PRKN: variants seen among roughly 807,000 people sequenced by gnomAD.
The protein encoded by PRKN is E3 ubiquitin-protein ligase parkin.
In PRKN, 56 loss-of-function variants were observed where a neutral mutation model predicts 59.5. That is an observed-to-expected ratio of 0.94 (90% confidence interval 0.76 to 1.18). The LOEUF (loss-of-function observed/expected upper bound fraction) is 1.18. PRKN is among the 50% of genes most tolerant of loss of function. PRKN has a pLI of 0.00. For synonymous variants in PRKN, 250 were observed against 222.1 expected, an observed-to-expected ratio of 1.13 and a Z score of -1.12; for missense variants, 657 against 596.4, an observed-to-expected ratio of 1.10 and a Z score of -1.06.
chr6:161,902,761 T>C (rs773802664), intron 6 of PRKN, among the ~76,000 whole-genome samples: 3 of 152,118 alleles, frequency 2.0e-5, no homozygotes, highest in Admixed American at 6.5e-5. Context: ...TTCGCCATGT[T>C]GGCCAGGCTG....
At chr6:162,387,082 C>T (rs1358440681) in intron 2 of PRKN, among the ~76,000 whole-genome samples, 3 of 151,598 alleles carry the variant, frequency 2.0e-5, no homozygotes, top group Non-Finnish European at 4.4e-5. Flanking sequence ...TTAAGTTACA[C>T]AAAAGTATTA....
chr6:162,695,896 CA>C (rs2128235916), intron 1 of PRKN, among the ~76,000 whole-genome samples: 1 of 152,164 alleles, frequency 6.6e-6, no homozygotes, highest in East Asian at 1.9e-4. Context: ...AGCTAGAGTC[CA>C]AATATTGGCT....
chr6:162,112,875 G>T (rs957827643), intron 4 of PRKN, among the ~76,000 whole-genome samples: 2 of 151,992 alleles, frequency 1.3e-5, no homozygotes, highest in African/African-American at 4.8e-5. Context: ...GTGAGCCATG[G>T]TCGCGCCACT....
chr6:162,213,956 T>C (rs1021169811), intron 3 of PRKN, among the ~76,000 whole-genome samples: 3 of 151,936 alleles, frequency 2.0e-5, no homozygotes, highest in African/African-American at 4.8e-5. Flanking sequence ...TCCTGTGTTC[T>C]ATCCAGATGC....
rs532509942 is a variant in PRKN, at chr6:161,936,354, C to T, written c.734+36948G>A. The stretch of plus-strand genomic sequence containing the variant: ...CTCCCAAGCAGCTGGGGACTACAGG[C>T]GCATGCCACAACACCTGGCTACTTT... On this transcript the variant is annotated intron_variant, in intron 6 of 11. Transcript: ENST00000366898. 3.6e-3 allele frequency among the ~76,000 whole-genome samples: 544 copies of T among 151,912 alleles called. 6 individuals are homozygous for T. The highest frequency in any genetic ancestry group is 0.012 in the African/African-American group (505 of 41,440).
intron 2 of PRKN, among the ~76,000 whole-genome samples, chr6:162,440,629 C>A (rs770842498): frequency 1.3e-5 from 2 of 151,992 alleles, no homozygotes; most frequent in African/African-American, 4.8e-5. Context: ...ATAAAGAATA[C>A]GAAACCAGGA....
intron 9 of PRKN, among the ~76,000 whole-genome samples, chr6:161,521,959 G>A (rs1264930204): frequency 6.6e-6 from 1 of 152,154 alleles, no homozygotes; most frequent in Non-Finnish European, 1.5e-5. Context: ...CATCAGAACA[G>A]AGATGCAAAC....
chr6:161,464,982 G>T (rs926717133), intron 9 of PRKN, among the ~76,000 whole-genome samples: 37 of 152,232 alleles, frequency 2.4e-4, no homozygotes, highest in African/African-American at 8.4e-4. Context: ...TGCTTCTGCA[G>T]AGCTCAGGTC....
At chr6:161,781,286 G>A (rs1428671486) in intron 7 of PRKN, among the ~76,000 whole-genome samples, 3 of 152,154 alleles carry the variant, frequency 2.0e-5, no homozygotes, top group Non-Finnish European at 4.4e-5. Flanking sequence ...AAATTTCTAT[G>A]AGTATTATAT....
intron 1 of PRKN, among the ~76,000 whole-genome samples, chr6:162,536,798 C>A (rs1393281982): frequency 6.6e-6 from 1 of 151,994 alleles, no homozygotes; most frequent in Admixed American, 6.6e-5. Flanking sequence ...TTTTTTGAAG[C>A]CTATGTTCAA....
rs1788205209 is a variant in PRKN, at chr6:161,423,672, C to T, written c.1084-36795G>A. The stretch of plus-strand genomic sequence containing the variant: ...TGGAAGCTTCCTCTGCACACTCTAG[C>T]TACAGCAGGGCCTTACCATGGCTCA... On this transcript the variant is annotated intron_variant, in intron 9 of 11. Coordinates refer to ENST00000366898, the MANE Select transcript of PRKN (RefSeq NM_004562.3). This position sits in a 1 kb window ranked among gnomAD's most constrained non-coding sequence, Gnocchi z 5.9. Among the ~76,000 whole-genome samples the T allele has an allele frequency of 6.6e-6, 1 of 152,160 alleles. No individual in the cohort carries two copies. The highest frequency in any genetic ancestry group is 2.4e-5 in the African/African-American group (1 of 41,424).
At chr6:162,602,382 T>C (rs973514786) in intron 1 of PRKN, among the ~76,000 whole-genome samples, 8 of 152,118 alleles carry the variant, frequency 5.3e-5, no homozygotes, top group South Asian at 4.2e-4. Flanking sequence ...GAGAGCAGCA[T>C]TGAAGGTGAG....
intron 6 of PRKN, among the ~76,000 whole-genome samples, chr6:161,870,176 A>G (rs547623703): frequency 1.3e-5 from 2 of 152,324 alleles, no homozygotes; most frequent in South Asian, 4.1e-4. Flanking sequence ...GGTCATAGAC[A>G]GAGAAGTACG....
chr6:162,101,532 C>A (rs933466356), intron 4 of PRKN, among the ~76,000 whole-genome samples: 1 of 151,624 alleles, frequency 6.6e-6, no homozygotes, highest in African/African-American at 2.4e-5. Context: ...ATTAGCCGGG[C>A]GTGGTGGCGG....
At chr6:161,816,031 A>C (rs528167572) in intron 6 of PRKN, among the ~76,000 whole-genome samples, 17 of 152,286 alleles carry the variant, frequency 1.1e-4, no homozygotes, top group African/African-American at 4.1e-4. Flanking sequence ...ACCCGTGTGC[A>C]TGCAAAAACT....
rs147838840 is a variant in PRKN, at chr6:161,976,062, T to C, written c.619-2645A>G. 7.5e-3 allele frequency among the ~76,000 whole-genome samples: 1,148 copies of C among 152,246 alleles called. 17 individuals are homozygous for C. The highest frequency in any genetic ancestry group is 0.026 in the African/African-American group (1,082 of 41,556). ...CTGGGATTACAGGCACCCGCCATCA[T>C]GCCAGGCTAATTTTTGTATTTTTGT... is the stretch of plus-strand genomic sequence containing the variant. On this transcript the variant is annotated intron_variant, in intron 5 of 11. Coordinates refer to ENST00000366898, the MANE Select transcript of PRKN (RefSeq NM_004562.3).
chr6:162,601,678 C>G (rs575178211), intron 1 of PRKN, among the ~76,000 whole-genome samples: 125 of 152,092 alleles, frequency 8.2e-4, no homozygotes, highest in African/African-American at 2.9e-3. Context: ...CATATATGAG[C>G]AGTACATTTT....
At chr6:161,979,991 C>T (rs186405010) in intron 5 of PRKN, among the ~76,000 whole-genome samples, 65 of 152,220 alleles carry the variant, frequency 4.3e-4, no homozygotes, top group Admixed American at 2.7e-3. Flanking sequence ...AACACATTTA[C>T]GATCAGAAGC....
intron 9 of PRKN, among the ~76,000 whole-genome samples, chr6:161,541,734 T>C (rs997738904): frequency 1.1e-4 from 17 of 151,918 alleles, no homozygotes; most frequent in Admixed American, 1.1e-3. Flanking sequence ...GGCAGGAGAA[T>C]CGTTTGAACC....
Sources: allele counts gnomAD v4.1 joint callset (sites outside exome capture counted in the v4.1 genomes callset), GRCh38; gene constraint gnomAD v4.1.1; non-coding constraint Gnocchi (gnomAD v3.1); transcripts MANE v1.5; gene names NCBI Gene and HGNC (gene_info 2026-07-23, HGNC 2026-07-21).